Variants in PATL1 observed in about 807,000 individuals in gnomAD.
The protein encoded by PATL1 is PAT1 homolog 1, processing body mRNA decay factor.
In PATL1, 32 loss-of-function variants were observed where a neutral mutation model predicts 100.6. That is an observed-to-expected ratio of 0.32 (90% confidence interval 0.24 to 0.43). The LOEUF (loss-of-function observed/expected upper bound fraction) is 0.43, where lower values mean the gene tolerates loss of function less well. PATL1 is among the 20% of genes least tolerant of loss of function. PATL1 has a pLI of 1.00. For missense variants in PATL1, 747 were observed against 949.9 expected, an observed-to-expected ratio of 0.79 and a Z score of 2.81; for synonymous variants, 332 against 330.0, an observed-to-expected ratio of 1.01 and a Z score of -0.07.
At position 59,653,987 on chromosome 11, in the gene PATL1, T is replaced by C; in HGVS notation, c.1117A>G (p.Arg373Gly). ...AGGAATCGGATGAGTACTTACCTTCTATTCTGTTGCTGTCTCTGATGCAAG... is the reference window on the plus strand; with the variant it reads ...AGGAATCGGATGAGTACTTACCTTCCATTCTGTTGCTGTCTCTGATGCAAG... ...RLLHQRQQQN[R>G]SQHRNLNGAG... is the part of the protein sequence containing the mutation. The change falls in exon 9 of 19, where the codon AGA (arginine) becomes GGA (glycine). Residue 373 changes from arginine to glycine, a missense_variant. Physicochemically the swap from Arg to Gly is moderately radical, Grantham distance 125. Around this residue, in one of 4 missense-constraint regions of PATL1, gnomAD observed 434 missense variants for 596.1 expected, o/e 0.73. Transcript: ENST00000300146. 6.2e-7 allele frequency: 1 copy of C among 1,609,882 alleles called. No individual in the cohort carries two copies. The highest frequency in any genetic ancestry group is 8.5e-7 in the Non-Finnish European group (1 of 1,176,146).
intron 10 of PATL1, 32 bp from the exon 11 acceptor site, chr11:59,652,619 C>G: frequency 6.2e-7 from 1 of 1,611,062 alleles, no homozygotes; most frequent in Non-Finnish European, 8.5e-7. Flanking sequence ...AGTTGTAACA[C>G]AAGCACAGAA....
At chr11:59,649,967 C>A (rs1431117598) in intron 13 of PATL1, among the ~76,000 whole-genome samples, 1 of 151,750 alleles carries the variant, frequency 6.6e-6, no homozygotes, top group Non-Finnish European at 1.5e-5. Context: ...ACTAAAAATA[C>A]AAAATTAGCC....
Position 59,666,959 on chromosome 11 carries a change from C to T in PATL1, c.21G>A (p.Leu7=), listed in dbSNP as rs771825480. The change falls in exon 2 of 19, where the codon TTG becomes TTA. Residue 7 remains leucine, a synonymous_variant. Coordinates refer to ENST00000300146, the MANE Select transcript of PATL1 (RefSeq NM_152716.3). MFRYES[L]EDCPLDEDED... is the part of the protein sequence containing the mutation. ...CATCTTCATCCAGAGGACAATCCTCCAAAGACTAAAAAAAAAGAAAAGACA... is the reference window on the plus strand; with the variant it reads ...CATCTTCATCCAGAGGACAATCCTCTAAAGACTAAAAAAAAAGAAAAGACA... The T allele has an allele frequency of 1.3e-6, 2 of 1,541,628 alleles. No individual in the cohort carries two copies. The highest frequency in any genetic ancestry group is 2.5e-5 in the South Asian group (2 of 81,518).
intron 9 of PATL1, among the ~76,000 whole-genome samples, chr11:59,653,469 T>C (rs1014865666): frequency 6.6e-5 from 10 of 152,176 alleles, no homozygotes; most frequent in Non-Finnish European, 1.3e-4. Flanking sequence ...ATATTTCAAA[T>C]GCAGAGAAAA....
chr11:59,638,414 A>G lies in PATL1; in HGVS notation c.2292-3T>C. On this transcript the variant is annotated splice_polypyrimidine_tract_variant and splice_region_variant and intron_variant, in intron 18 of 18. Transcript: ENST00000300146. Reference sequence around the variant, plus strand: ...TTTATCGTATCCCCTGAACTAGCCTAGGAGTACAAAGGAGAGAAAGGAAAA... The same window carrying G: ...TTTATCGTATCCCCTGAACTAGCCTGGGAGTACAAAGGAGAGAAAGGAAAA... 1 of 1,610,766 alleles carries G rather than the reference A, an allele frequency of 6.2e-7. No homozygotes were observed. Among genetic ancestry groups the G allele is most frequent in the Non-Finnish European group, 8.5e-7 (1 of 1,177,592 alleles).
At chr11:59,641,608 T>C (rs1861280544) in intron 16 of PATL1, among the ~76,000 whole-genome samples, 1 of 151,594 alleles carries the variant, frequency 6.6e-6, no homozygotes, top group African/African-American at 2.4e-5. Context: ...CACAAATTAG[T>C]TGTGCGTGGT....
At chr11:59,658,775 C>T in intron 4 of PATL1, 91 bp downstream of exon 4, 1 of 938,066 alleles carries the variant, frequency 1.1e-6, no homozygotes, top group Non-Finnish European at 1.6e-6. Flanking sequence ...AATGAAAGAC[C>T]TATAAACCCC....
chr11:59,658,273 A>G (rs1423274000), intron 4 of PATL1, among the ~76,000 whole-genome samples: 2 of 151,862 alleles, frequency 1.3e-5, no homozygotes, highest in Non-Finnish European at 2.9e-5. Flanking sequence ...TCCAACCACT[A>G]GTAAACACTG....
At chr11:59,665,520 G>T (rs1861674536) in intron 2 of PATL1, among the ~76,000 whole-genome samples, 1 of 152,124 alleles carries the variant, frequency 6.6e-6, no homozygotes, top group African/African-American at 2.4e-5. Flanking sequence ...TACAGTTTTG[G>T]CCAGGCGTGG....
chr11:59,658,865 C>A lies in PATL1; in HGVS notation c.426+1G>T. 2 of 1,544,282 alleles carry A rather than the reference C, an allele frequency of 1.3e-6. No homozygotes were observed. Among genetic ancestry groups the A allele is most frequent in the Non-Finnish European group, 1.7e-6 (2 of 1,144,944 alleles). On this transcript the variant is annotated splice_donor_variant, in intron 4 of 18. Transcript: ENST00000300146. LOFTEE classifies it high-confidence loss of function. Reference sequence around the variant, plus strand: ...TTATGTAAAGAGAAAATATTTAATACCTGAGCAAGCAGTGGTCCTCGGATT... The same window carrying A: ...TTATGTAAAGAGAAAATATTTAATAACTGAGCAAGCAGTGGTCCTCGGATT...
intron 8 of PATL1, among the ~76,000 whole-genome samples, chr11:59,654,920 C>G (rs1380407507): frequency 6.6e-6 from 1 of 152,142 alleles, no homozygotes; most frequent in Non-Finnish European, 1.5e-5. Flanking sequence ...CTAAAGTTTC[C>G]CAGAAGAAGG....
chr11:59,655,818 T>A (rs1195871941), intron 7 of PATL1, 78 bp from the exon 8 acceptor site: 2 of 1,421,104 alleles, frequency 1.4e-6, no homozygotes, highest in African/African-American at 2.9e-5. Flanking sequence ...GTGAATACGG[T>A]TTTCCATCAA....
At chr11:59,655,851 G>T in intron 7 of PATL1, 105 bp downstream of exon 7, 2 of 1,383,202 alleles carry the variant, frequency 1.4e-6, no homozygotes, top group Non-Finnish European at 2.0e-6. Context: ...AAAAAGTAAA[G>T]GCAAAAATAA....
chr11:59,659,617 C>T (rs528027063), intron 2 of PATL1, 148 bp from the exon 3 acceptor site: 3 of 705,666 alleles, frequency 4.3e-6, no homozygotes, highest in African/African-American at 1.8e-5. Flanking sequence ...CCGCAACCTC[C>T]ACCTCCCGGG....
In PATL1 at chr11:59,657,717, G is replaced by T; in HGVS notation, c.434C>A (p.Pro145His). 1.9e-6 allele frequency: 3 copies of T among 1,579,862 alleles called. No homozygotes were observed. Among genetic ancestry groups the T allele is most frequent in the Non-Finnish European group, 2.6e-6 (3 of 1,158,420 alleles). Residue 145 changes from proline (P) to histidine (H), a missense_variant, in exon 5 of 19, where the codon CCT becomes CAT. Pro to His is a moderately conservative substitution (Grantham distance 77). Coordinates refer to ENST00000300146, the MANE Select transcript of PATL1 (RefSeq NM_152716.3). ...IRGPLLAQEMPTVSVLEYALP... is the reference protein window; with the variant it reads ...IRGPLLAQEMHTVSVLEYALP... ...AGCATATTCTAATACAGACACTGTAGGCATTTCCTAATTGAGGAAGTGGTA... is the reference window on the plus strand; with the variant it reads ...AGCATATTCTAATACAGACACTGTATGCATTTCCTAATTGAGGAAGTGGTA...
intron 16 of PATL1, among the ~76,000 whole-genome samples, chr11:59,640,924 C>T (rs1338051772): frequency 6.6e-6 from 1 of 152,138 alleles, no homozygotes; most frequent in Non-Finnish European, 1.5e-5. Context: ...GTAATCCCAG[C>T]ACTTTGGGAG....
chr11:59,643,803 A>G (rs1233749512), intron 15 of PATL1, among the ~76,000 whole-genome samples: 1 of 152,250 alleles, frequency 6.6e-6, no homozygotes, highest in East Asian at 1.9e-4. Context: ...GAGAATCTAT[A>G]AAGTGATCAG....
intron 8 of PATL1, among the ~76,000 whole-genome samples, chr11:59,654,278 A>C (rs1861490272): frequency 6.6e-6 from 1 of 152,032 alleles, no homozygotes; most frequent in African/African-American, 2.4e-5. Flanking sequence ...GGAGTTCGAG[A>C]CCAGCCTGGC....
At chr11:59,666,292 G>T (rs766962635) in intron 2 of PATL1, among the ~76,000 whole-genome samples, 1 of 152,124 alleles carries the variant, frequency 6.6e-6, no homozygotes, top group Non-Finnish European at 1.5e-5. Context: ...TATACCCAGG[G>T]ATGGACAAAA....
Sources: allele counts gnomAD v4.1 joint callset (sites outside exome capture counted in the v4.1 genomes callset), GRCh38; gene constraint gnomAD v4.1.1; regional missense constraint gnomAD v4.1.1; transcripts MANE v1.5; gene names NCBI Gene and HGNC (gene_info 2026-07-23, HGNC 2026-07-21).